PLA2G5: variants seen among roughly 807,000 people sequenced by gnomAD.
PLA2G5 encodes the protein Ca2+-dependent phospholipase A2.
Under a neutral mutation model 15.9 loss-of-function variants are expected in PLA2G5, and 12 were observed. The ratio of observed to expected loss-of-function variants is 0.76; its 90% CI spans 0.48 to 1.23. The LOEUF is 1.23. Ranked by LOEUF, PLA2G5 falls within the 50% of genes most tolerant of loss-of-function variation. PLA2G5 has a pLI of 0.00. For synonymous variants in PLA2G5, 71 were observed against 71.4 expected (o/e 0.99, Z 0.03); for missense variants, 169 against 177.1 (o/e 0.95, Z 0.26).
intron 1 of PLA2G5, among the ~76,000 whole-genome samples, chr1:20,076,184 G>T (rs475753): frequency 0.84 from 127,369 of 152,112 alleles, 53,373 homozygotes; most frequent in East Asian, 0.92. Flanking sequence ...AAATGTGGAT[G>T]TCTGTCTAGG....
intron 3 of PLA2G5, among the ~76,000 whole-genome samples, chr1:20,087,736 C>A (rs2016366087): frequency 6.6e-6 from 1 of 151,848 alleles, no homozygotes. Flanking sequence ...AGGACCAAGG[C>A]AGGAAATATA....
intron 2 of PLA2G5, among the ~76,000 whole-genome samples, chr1:20,064,638 A>C (rs2014925171): frequency 6.6e-6 from 1 of 152,002 alleles, no homozygotes; most frequent in South Asian, 2.1e-4. Flanking sequence ...TCACACCTGT[A>C]ATCCCAGCAC....
At chr1:20,065,580 A>ATTTGATAGCTTATTTCTT (rs1553174267), upstream of PLA2G5, among the ~76,000 whole-genome samples, 6 of 152,068 alleles carry the variant, frequency 3.9e-5, no homozygotes, top group Non-Finnish European at 8.8e-5. Context: ...TCTTTTTGTG[A>ATTTGATAGCTTATTTCTT]TTTGATAGCT....
intron 1 of PLA2G5, among the ~76,000 whole-genome samples, chr1:20,039,516 C>T (rs2013471271): frequency 6.6e-6 from 1 of 152,238 alleles, no homozygotes; most frequent in Admixed American, 6.5e-5. Flanking sequence ...TAAAACTTTA[C>T]AAATTGCTGC....
chr1:20,048,498 T>C (rs550535017), intron 1 of PLA2G5, among the ~76,000 whole-genome samples: 1 of 152,328 alleles, frequency 6.6e-6, no homozygotes, highest in East Asian at 1.9e-4. Flanking sequence ...AGCTACATCT[T>C]GAATTTAGTA....
intron 1 of PLA2G5, among the ~76,000 whole-genome samples, chr1:20,045,742 T>C (rs1205316501): frequency 2.0e-5 from 3 of 152,142 alleles, no homozygotes; most frequent in Non-Finnish European, 1.5e-5. Context: ...AGGGGATTGA[T>C]CTCCCAGTGG....
chr1:20,061,791 A>C (rs1486140787), intron 2 of PLA2G5, among the ~76,000 whole-genome samples: 1 of 152,128 alleles, frequency 6.6e-6, no homozygotes, highest in African/African-American at 2.4e-5. Flanking sequence ...ACATCTTTGC[A>C]TATTTGTATT....
intron 1 of PLA2G5, among the ~76,000 whole-genome samples, chr1:20,037,491 T>C (rs952951392): frequency 3.9e-5 from 6 of 152,182 alleles, no homozygotes; most frequent in Non-Finnish European, 2.9e-5. Context: ...GTGAGGGTCC[T>C]TGGTTGTAGT....
At chr1:20,032,112 T>A (rs1292313785) in intron 1 of PLA2G5, among the ~76,000 whole-genome samples, 4 of 152,196 alleles carry the variant, frequency 2.6e-5, no homozygotes, top group African/African-American at 9.7e-5. Flanking sequence ...CAGGCCATCT[T>A]AACCTCTAGG....
chr1:20,060,290 G>A (rs1269323248), intron 2 of PLA2G5, among the ~76,000 whole-genome samples: 1 of 110,694 alleles, frequency 9.0e-6, no homozygotes, highest in African/African-American at 3.6e-5. Flanking sequence ...GTCTCACTCT[G>A]TCACCCAGGC....
At chr1:20,033,247 C>G (rs1018293072) in intron 1 of PLA2G5, among the ~76,000 whole-genome samples, 1 of 152,154 alleles carries the variant, frequency 6.6e-6, no homozygotes, top group Non-Finnish European at 1.5e-5. Context: ...CCTAAAAGAG[C>G]TTCCGTTAAT....
intron 1 of PLA2G5, among the ~76,000 whole-genome samples, chr1:20,077,736 G>C (rs1326137360): frequency 6.6e-6 from 1 of 152,144 alleles, no homozygotes; most frequent in Non-Finnish European, 1.5e-5. Flanking sequence ...ACCCAAAGAG[G>C]AGAAAAAGCT....
At chr1:20,074,930 C>T (rs1461422781) in intron 1 of PLA2G5, among the ~76,000 whole-genome samples, 2 of 152,220 alleles carry the variant, frequency 1.3e-5, no homozygotes, top group Non-Finnish European at 2.9e-5. Flanking sequence ...TCCCTTCTGT[C>T]TCCTGTGATC....
At chr1:20,044,159 T>A (rs1158242354) in intron 1 of PLA2G5, among the ~76,000 whole-genome samples, 2 of 152,174 alleles carry the variant, frequency 1.3e-5, no homozygotes, top group East Asian at 3.8e-4. Context: ...TGAAGCAAGA[T>A]CCTGATGGAG....
At chr1:20,035,299 G>A (rs563037637) in intron 1 of PLA2G5, among the ~76,000 whole-genome samples, 10 of 152,218 alleles carry the variant, frequency 6.6e-5, no homozygotes, top group South Asian at 2.1e-4. Flanking sequence ...GGGGAGTTGC[G>A]GGGCATGGCC....
At chr1:20,084,548 GGTGA>G (rs1015375356) in intron 1 of PLA2G5, among the ~76,000 whole-genome samples, 2 of 152,096 alleles carry the variant, frequency 1.3e-5, no homozygotes, top group African/African-American at 2.4e-5. Flanking sequence ...TTGCCAACGG[GGTGA>G]GTATGTCTGG....
At chr1:20,076,411 C>T (rs559956038) in intron 1 of PLA2G5, among the ~76,000 whole-genome samples, 2 of 152,132 alleles carry the variant, frequency 1.3e-5, no homozygotes, top group Non-Finnish European at 2.9e-5. Flanking sequence ...ATAAGGAAAC[C>T]ACGTGACACT....
At chr1:20,048,991 C>G (rs765040320) in intron 1 of PLA2G5, among the ~76,000 whole-genome samples, 1 of 151,930 alleles carries the variant, frequency 6.6e-6, no homozygotes, top group Non-Finnish European at 1.5e-5. Flanking sequence ...AAATGTTGAA[C>G]AATTTTTGTC....
chr1:20,080,623 GA>G (rs1485723778), intron 1 of PLA2G5, among the ~76,000 whole-genome samples: 1 of 149,296 alleles, frequency 6.7e-6, no homozygotes, highest in Admixed American at 6.6e-5. Flanking sequence ...ATACACAATG[GA>G]AAAAAATCCC....
Sources: gnomAD v4.1 joint callset for allele counts (sites outside exome capture counted in the v4.1 genomes callset) on GRCh38, gnomAD v4.1.1 for gene constraint, MANE v1.5 for transcripts, NCBI Gene and HGNC (gene_info 2026-07-23, HGNC 2026-07-21) for gene names.